The following GABRG3 variants were observed in gnomAD, a reference collection of about 807,000 sequenced individuals.
The protein encoded by GABRG3 is gamma-aminobutyric acid type A receptor subunit gamma3.
A neutral mutation model predicts 48.8 loss-of-function variants in GABRG3; 25 were observed. The observed-to-expected ratio is 0.51, with a 90% CI of 0.37 to 0.72. The LOEUF (loss-of-function observed/expected upper bound fraction) is 0.72. Among genes scored for constraint, GABRG3 ranks in the 30% least tolerant of loss-of-function variants. The pLI is 0.00. For synonymous variants in GABRG3, 227 were observed against 217.6 expected (o/e 1.04, Z -0.38); for missense variants, 394 against 577.9 (o/e 0.68, Z 3.26).
At chr15:27,279,779 A>C (rs2140478809) in intron 3 of GABRG3, among the ~76,000 whole-genome samples, 1 of 152,296 alleles carries the variant, frequency 6.6e-6, no homozygotes, top group South Asian at 2.1e-4. Flanking sequence ...AATTTAGAAT[A>C]CATTTTTATA....
At chr15:27,017,573 GTCGGAATGTTGAAAATA>G (rs951774647) in intron 2 of GABRG3, among the ~76,000 whole-genome samples, 110 of 152,328 alleles carry the variant, frequency 7.2e-4, no homozygotes, top group African/African-American at 2.5e-3. Context: ...CCCACAAAAA[GTCGGAATGTTGAAAATA>G]TCCTACTCTT....
intron 5 of GABRG3, among the ~76,000 whole-genome samples, chr15:27,378,056 C>G (rs1452733779): frequency 1.3e-5 from 2 of 152,034 alleles, no homozygotes; most frequent in African/African-American, 4.8e-5. Flanking sequence ...CCCCAAAATA[C>G]CCAGTGTTGC....
chr15:27,194,273 T>G (rs1472079107), intron 3 of GABRG3, among the ~76,000 whole-genome samples: 1 of 152,248 alleles, frequency 6.6e-6, no homozygotes, highest in Admixed American at 6.5e-5. Flanking sequence ...GTGTTATGAT[T>G]CAACCATCAA....
chr15:27,375,419 A>C (rs537825206), intron 5 of GABRG3, among the ~76,000 whole-genome samples: 1 of 152,134 alleles, frequency 6.6e-6, no homozygotes, highest in African/African-American at 2.4e-5. Flanking sequence ...ACTTTGGGCT[A>C]TTGGTTGATA....
intron 3 of GABRG3, among the ~76,000 whole-genome samples, chr15:27,258,737 C>T (rs1890692327): frequency 1.3e-5 from 2 of 152,302 alleles, no homozygotes; most frequent in Middle Eastern, 6.8e-3. Flanking sequence ...TTTATCATAT[C>T]TTTGTAGTAG....
chr15:27,387,990 GTAA>G (rs1555376628), intron 5 of GABRG3, among the ~76,000 whole-genome samples: 2 of 35,252 alleles, frequency 5.7e-5, no homozygotes, highest in African/African-American at 9.4e-5. Flanking sequence ...AGGAGGGAGG[GTAA>G]GGAAGGAAGG....
chr15:27,051,477 T>C (rs1896454738), intron 3 of GABRG3, among the ~76,000 whole-genome samples: 1 of 152,148 alleles, frequency 6.6e-6, no homozygotes, highest in Non-Finnish European at 1.5e-5. Context: ...AAGGTGGTGA[T>C]ATTAGGAGGT....
In GABRG3 at chr15:27,407,960, G is replaced by A. The variant is rs145417099; in HGVS notation, c.575-72690G>A. On this transcript the variant is annotated intron_variant, in intron 5 of 9. Transcript: ENST00000615808. ...AAGAGTGAACCCTATTGTGAACCAC[G>A]GACTTTGTGTGACAACAATGCGGTA... 8.1e-4 allele frequency among the ~76,000 whole-genome samples: 124 copies of A among 152,268 alleles called. 2 individuals are homozygous for A. In the East Asian group the frequency reaches 0.024, roughly 29 times the overall value.
intron 3 of GABRG3, among the ~76,000 whole-genome samples, chr15:27,052,806 A>G (rs898691408): frequency 6.6e-6 from 1 of 152,224 alleles, no homozygotes; most frequent in African/African-American, 2.4e-5. Context: ...GTACTGGCAC[A>G]AAAACAGACA....
chr15:27,342,988 A>G (rs2140529903), intron 5 of GABRG3, among the ~76,000 whole-genome samples: 1 of 152,358 alleles, frequency 6.6e-6, no homozygotes, highest in Admixed American at 6.5e-5. Flanking sequence ...AAGTGACAGC[A>G]AGATACAGTA....
intron 3 of GABRG3, among the ~76,000 whole-genome samples, chr15:27,210,874 G>A (rs879813421): frequency 2.6e-5 from 4 of 152,110 alleles, no homozygotes; most frequent in Admixed American, 2.0e-4. Flanking sequence ...GCCTGTTTCC[G>A]GGAAATATTT....
intron 3 of GABRG3, among the ~76,000 whole-genome samples, chr15:27,089,569 A>C (rs1232864930): frequency 6.6e-6 from 1 of 152,132 alleles, no homozygotes; most frequent in Non-Finnish European, 1.5e-5. Context: ...ACAGGACTCT[A>C]CCGTGTGTGA....
Position 27,532,720 on chromosome 15 carries a change from C to G in GABRG3, c.1243C>G (p.Gln415Glu). ...VYECLDGKDCQSFFCCYEECK... is the reference protein window; with the variant it reads ...VYECLDGKDCESFFCCYEECK... The stretch of plus-strand genomic sequence containing the variant: ...TGAGTGTCTGGATGGCAAAGACTGT[C>G]AGAGCTTCTTCTGCTGCTATGAAGA... Residue 415 changes from glutamine (Q) to glutamate (E), a missense_variant, in exon 10 of 10, where the codon CAG (glutamine) becomes GAG (glutamate). Gln to Glu is a conservative substitution (Grantham distance 29). This residue lies in a region of GABRG3 where 126 missense variants were observed against 155.5 expected (regional missense o/e 0.81). Transcript: ENST00000615808. 6.2e-7 allele frequency: 1 copy of G among 1,614,026 alleles called. No individual in the cohort carries two copies.
chr15:27,164,214 A>AAC (rs142851625), intron 3 of GABRG3, among the ~76,000 whole-genome samples: 41 of 151,232 alleles, frequency 2.7e-4, no homozygotes, highest in South Asian at 8.4e-4. Context: ...TGTCTCTCCA[A>AAC]ACACACACAC....
intron 3 of GABRG3, among the ~76,000 whole-genome samples, chr15:27,040,420 T>G (rs1896255853): frequency 6.6e-6 from 1 of 152,054 alleles, no homozygotes; most frequent in Non-Finnish European, 1.5e-5. Context: ...TTGCTGGGGG[T>G]TGGATGGGGT....
At chr15:27,188,487 G>C (rs1248828172) in intron 3 of GABRG3, among the ~76,000 whole-genome samples, 1 of 152,054 alleles carries the variant, frequency 6.6e-6, no homozygotes, top group Non-Finnish European at 1.5e-5. Context: ...GTGATGATGA[G>C]CATTTTTTCA....
At chr15:27,347,886 T>A (rs1402180182) in intron 5 of GABRG3, among the ~76,000 whole-genome samples, 2 of 152,164 alleles carry the variant, frequency 1.3e-5, no homozygotes, top group African/African-American at 4.8e-5. Context: ...TCTGCAGATT[T>A]CAGGGGGGGT....
chr15:27,128,305 C>G (rs1171309993), intron 3 of GABRG3, among the ~76,000 whole-genome samples: 1 of 152,184 alleles, frequency 6.6e-6, no homozygotes, highest in East Asian at 1.9e-4. Context: ...GTCGCTCTAC[C>G]TTGTGGAGGG....
chr15:27,344,090 C>T (rs1252187874), intron 5 of GABRG3, among the ~76,000 whole-genome samples: 2 of 152,216 alleles, frequency 1.3e-5, no homozygotes, highest in African/African-American at 2.4e-5. Context: ...GCTGTACTTC[C>T]AGAGAAACCA....
Sources: allele counts gnomAD v4.1 joint callset (sites outside exome capture counted in the v4.1 genomes callset), GRCh38; gene constraint gnomAD v4.1.1; regional missense constraint gnomAD v4.1.1; transcripts MANE v1.5; gene names NCBI Gene and HGNC (gene_info 2026-07-23, HGNC 2026-07-21).